Variants in KAZN observed in about 807,000 individuals in gnomAD.
The protein encoded by KAZN is kazrin, periplakin interacting protein, also known as kazrin.
Under a neutral mutation model 87.4 loss-of-function variants are expected in KAZN, and 40 were observed. The ratio of observed to expected loss-of-function variants is 0.46; its 90% confidence interval spans 0.36 to 0.60. The LOEUF is 0.60. Ranked by LOEUF, KAZN falls within the 20% of genes least tolerant of loss-of-function variation. KAZN has a pLI of 0.00. For missense variants in KAZN, 898 were observed against 1,073.9 expected (o/e 0.84, Z 2.29); for synonymous variants, 466 against 458.3 (o/e 1.02, Z -0.22).
rs115347719 is a variant in KAZN, at chr1:15,112,441, G to C, written c.2063G>C (p.Arg688Pro). ...CCTCTCTTCAGCTCCACAGGCATCC[G>C]GGAGGCTGAGCGTTTTGGAACGCCC... ...VFHPANSTGI[R>P]EAERFGTPPG... Residue 688 changes from arginine (R) to proline (P), a missense_variant, in exon 14 of 15, where the codon CGG becomes CCG. Arg to Pro is a moderately radical substitution (Grantham distance 103). This residue lies in a region of KAZN where 127 missense variants were observed against 121.5 expected (regional missense o/e 1.04). Coordinates refer to ENST00000376030, the MANE Select transcript of KAZN (RefSeq NM_201628.3). 5.0e-6 allele frequency: 8 copies of C among 1,599,870 alleles called. No homozygotes were observed. The highest frequency in any genetic ancestry group is 2.7e-5 in the African/African-American group (2 of 74,828).
chr1:14,569,728 T>C (rs1231240451), intron 2 of KAZN, among the ~76,000 whole-genome samples: 1 of 152,152 alleles, frequency 6.6e-6, no homozygotes, highest in Non-Finnish European at 1.5e-5. Context: ...AAACCTCTCA[T>C]CAGCCAGGAG....
intron 1 of KAZN, among the ~76,000 whole-genome samples, chr1:14,162,699 C>A (rs1231548646): frequency 6.6e-6 from 1 of 152,090 alleles, no homozygotes; most frequent in South Asian, 2.1e-4. Flanking sequence ...CATCCACCAC[C>A]ATGGCTGGCT....
At chr1:15,049,379 G>A (rs1318656109) in intron 4 of KAZN, among the ~76,000 whole-genome samples, 4 of 152,224 alleles carry the variant, frequency 2.6e-5, no homozygotes, top group Non-Finnish European at 4.4e-5. Context: ...CACCATAGAC[G>A]TTTGGGGCCA....
At chr1:14,469,128 T>C (rs1182611590) in intron 2 of KAZN, among the ~76,000 whole-genome samples, 1 of 152,148 alleles carries the variant, frequency 6.6e-6, no homozygotes, top group African/African-American at 2.4e-5. Flanking sequence ...GTTTCCATAA[T>C]GTGTGCTACT....
At chr1:14,689,995 G>T (rs750859032) in intron 1 of KAZN, among the ~76,000 whole-genome samples, 2 of 152,168 alleles carry the variant, frequency 1.3e-5, no homozygotes, top group Non-Finnish European at 2.9e-5. Context: ...TCAGTCACGG[G>T]ATAAGCTGGT....
At chr1:14,885,283 G>A (rs1047380109) in intron 1 of KAZN, among the ~76,000 whole-genome samples, 4 of 151,854 alleles carry the variant, frequency 2.6e-5, no homozygotes, top group African/African-American at 9.7e-5. Flanking sequence ...CCACTCCTAC[G>A]TCCTTGCCTG....
chr1:13,941,548 AGATGG>A (rs1287536677), intron 1 of KAZN, among the ~76,000 whole-genome samples: 1 of 152,200 alleles, frequency 6.6e-6, no homozygotes, highest in Non-Finnish European at 1.5e-5. Context: ...TATGTAAAGC[AGATGG>A]GATTGGTGGA....
intron 1 of KAZN, among the ~76,000 whole-genome samples, chr1:14,623,304 T>A (rs918815193): frequency 6.6e-6 from 1 of 152,194 alleles, no homozygotes; most frequent in Non-Finnish European, 1.5e-5. Flanking sequence ...AAGAACAAGA[T>A]CATATCCTTT....
intron 1 of KAZN, among the ~76,000 whole-genome samples, chr1:14,906,025 G>A (rs1300062205): frequency 3.3e-5 from 5 of 151,570 alleles, no homozygotes; most frequent in Non-Finnish European, 7.4e-5. Flanking sequence ...AAATTAGCTG[G>A]GTATGGTGGC....
At chr1:14,504,224 A>G (rs1670428868) in intron 2 of KAZN, among the ~76,000 whole-genome samples, 1 of 152,156 alleles carries the variant, frequency 6.6e-6, no homozygotes, top group Admixed American at 6.6e-5. Flanking sequence ...ACTTGGGGGT[A>G]GTGTAGAAGG....
chr1:14,281,739 G>T (rs559387592), intron 2 of KAZN, among the ~76,000 whole-genome samples: 1 of 152,286 alleles, frequency 6.6e-6, no homozygotes, highest in Admixed American at 6.5e-5. Flanking sequence ...TACAGAACTT[G>T]GCATAGAGAA....
intron 2 of KAZN, among the ~76,000 whole-genome samples, chr1:14,397,948 A>G (rs545115825): frequency 7.9e-5 from 12 of 151,802 alleles, no homozygotes; most frequent in Non-Finnish European, 1.6e-4. Flanking sequence ...TTCCTCCTGC[A>G]TTGCAGAATA....
chr1:15,106,401 A>G (rs1641296928), intron 13 of KAZN, among the ~76,000 whole-genome samples: 1 of 152,146 alleles, frequency 6.6e-6, no homozygotes, highest in South Asian at 2.1e-4. Context: ...GAGCCACATG[A>G]TCTGTAACAA....
At chr1:14,306,619 CT>C (rs1654948856) in intron 2 of KAZN, among the ~76,000 whole-genome samples, 1 of 152,214 alleles carries the variant, frequency 6.6e-6, no homozygotes, top group African/African-American at 2.4e-5. Context: ...AAGGCAATAC[CT>C]TCTGCTCTAC....
At chr1:14,973,277 C>T (rs981804919) in intron 2 of KAZN, among the ~76,000 whole-genome samples, 1 of 152,190 alleles carries the variant, frequency 6.6e-6, no homozygotes, top group Non-Finnish European at 1.5e-5. Flanking sequence ...TTATTCTGGG[C>T]ACTTGGGGTT....
chr1:14,224,038 T>C (rs1475442494), intron 2 of KAZN, among the ~76,000 whole-genome samples: 2 of 152,218 alleles, frequency 1.3e-5, no homozygotes, highest in East Asian at 1.9e-4. Context: ...ACAGTCTTTT[T>C]AATTTTTAGC....
intron 1 of KAZN, among the ~76,000 whole-genome samples, chr1:14,715,335 G>T (rs1642732725): frequency 6.6e-6 from 1 of 152,218 alleles, no homozygotes; most frequent in African/African-American, 2.4e-5. Flanking sequence ...ATCCCAGCCT[G>T]ATGGGAGGGG....
intron 2 of KAZN, among the ~76,000 whole-genome samples, chr1:14,586,735 T>G (rs1217304263): frequency 6.6e-6 from 1 of 152,072 alleles, no homozygotes; most frequent in Non-Finnish European, 1.5e-5. Context: ...AGATAGGGTC[T>G]CGCTTTGTTG....
chr1:14,369,826 A>C (rs1660322058), intron 2 of KAZN, among the ~76,000 whole-genome samples: 2 of 152,152 alleles, frequency 1.3e-5, no homozygotes, highest in Admixed American at 1.3e-4. Context: ...AAACATGTAA[A>C]TCTCAAAGAA....
Sources: allele counts gnomAD v4.1 joint callset (sites outside exome capture counted in the v4.1 genomes callset), GRCh38; gene constraint gnomAD v4.1.1; regional missense constraint gnomAD v4.1.1; transcripts MANE v1.5; gene names NCBI Gene and HGNC (gene_info 2026-07-23, HGNC 2026-07-21).